AR: variants seen among roughly 807,000 people sequenced by gnomAD.
AR encodes androgen receptor, also known as dihydrotestosterone receptor.
A neutral mutation model predicts 53.9 loss-of-function variants in AR; 8 were observed. That is an observed-to-expected ratio of 0.15 (90% CI 0.09 to 0.27). AR has a LOEUF of 0.27. AR is among the 10% of genes least tolerant of loss of function. AR has a pLI of 1.00. For missense variants in AR, 639 were observed against 742.5 expected, an observed-to-expected ratio of 0.86 and a Z score of 1.62; for synonymous variants, 359 against 316.4, an observed-to-expected ratio of 1.13 and a Z score of -1.43.
In AR at chrX:67,728,925, G is replaced by A. The variant is rs1293896542; in HGVS notation, c.*5084G>A. 5.8e-6 allele frequency: 1 copy of A among 173,712 alleles called. No homozygotes were observed. 14.3% of individuals were successfully genotyped at this position (173,712 alleles called of 1,213,427 possible). ...ATGGAACTGACTGAGATTTACCACAGGGAAGGCCCAAACTTGGGGCCAAAA... is the reference window on the plus strand; with the variant it reads ...ATGGAACTGACTGAGATTTACCACAAGGAAGGCCCAAACTTGGGGCCAAAA... On this transcript the variant is annotated 3_prime_UTR_variant, in exon 8 of 8. Coordinates refer to ENST00000374690, the MANE Select transcript of AR (RefSeq NM_000044.6).
chrX:67,547,803 G>A (rs1400791197), intron 1 of AR, among the ~76,000 whole-genome samples: 1 of 111,723 alleles, frequency 9.0e-6, no homozygotes, highest in Non-Finnish European at 1.9e-5. Flanking sequence ...AACAAATTGA[G>A]TAAGAACTCT....
At position 67,707,475 on chromosome X, in the gene AR, G is replaced by A. The variant is rs1378131232; in HGVS notation, c.1886-3927G>A. 1.8e-5 allele frequency among the ~76,000 whole-genome samples: 2 copies of A among 110,907 alleles called. 1 individual carries two copies. The highest frequency in any genetic ancestry group is 7.7e-4 in the South Asian group (2 of 2,605). ...TAGCATTGCAATCCCTGCCTCTTTTGGTTTTCCATTTGCTTGGTAGATCTT... is the reference window on the plus strand; with the variant it reads ...TAGCATTGCAATCCCTGCCTCTTTTAGTTTTCCATTTGCTTGGTAGATCTT... On this transcript the variant is annotated intron_variant, in intron 3 of 7. Coordinates refer to ENST00000374690, the MANE Select transcript of AR (RefSeq NM_000044.6).
intron 1 of AR, among the ~76,000 whole-genome samples, chrX:67,594,469 A>G (rs1473964543): frequency 8.9e-6 from 1 of 112,589 alleles, no homozygotes; most frequent in Non-Finnish European, 1.9e-5. Context: ...TGTTTTAACA[A>G]AGCAAGCATA....
At chrX:67,705,558 G>T (rs1458903322) in intron 3 of AR, among the ~76,000 whole-genome samples, 1 of 111,448 alleles carries the variant, frequency 9.0e-6, no homozygotes, top group African/African-American at 3.3e-5. Flanking sequence ...GAGACAATGG[G>T]GTTTTCTAGA....
At position 67,728,084 on chromosome X, in the gene AR, CA is replaced by C. The variant is rs1212765973; in HGVS notation, c.*4244del. ...GCTAAGATACCAAAATTCATAAGGG[CA>C]GGGGGGGAGCAAGCATTAGTGCCTC... On this transcript the variant is annotated 3_prime_UTR_variant, in exon 8 of 8. Coordinates refer to ENST00000374690, the MANE Select transcript of AR (RefSeq NM_000044.6). The C allele has an allele frequency of 1.7e-5, 3 of 171,801 alleles. No homozygotes were observed. Among genetic ancestry groups the C allele is most frequent in the African/African-American group, 3.0e-5 (1 of 33,504 alleles). The allele number at this position is 171,801 out of a possible 1,213,427, so 14.2% of individuals were successfully genotyped here.
intron 3 of AR, chrX:67,695,613 G>T (rs1161466843): frequency 1.3e-6 from 1 of 751,132 alleles, no homozygotes; most frequent in Admixed American, 9.0e-5. Flanking sequence ...CTTCCATATT[G>T]ACACCAGTTT....
At chrX:67,695,742 C>CACAT in intron 3 of AR, 1 of 628,500 alleles carries the variant, frequency 1.6e-6, no homozygotes, top group South Asian at 8.4e-5. Flanking sequence ...TGTCTAAACA[C>CACAT]ACACACACAC....
intron 1 of AR, among the ~76,000 whole-genome samples, chrX:67,583,815 C>G (rs760348995): frequency 5.4e-5 from 6 of 111,936 alleles, no homozygotes; most frequent in Non-Finnish European, 9.4e-5. Flanking sequence ...CTACATCCTA[C>G]ATATGTTGGC....
In AR at chrX:67,546,267, C is replaced by T. The variant is rs2147320282; in HGVS notation, c.1121C>T (p.Pro374Leu). ...YYNFPLALAG[P>L]PPPPPPPHPH... ...AACTTTCCACTGGCTCTGGCCGGAC[C>T]GCCGCCCCCTCCGCCGCCTCCCCAT... Residue 374 changes from proline to leucine, a missense_variant, in exon 1 of 8, where the codon CCG (proline) becomes CTG (leucine). Physicochemically the swap from Pro to Leu is moderately conservative, Grantham distance 98. Coordinates refer to ENST00000374690, the MANE Select transcript of AR (RefSeq NM_000044.6). 3.3e-6 allele frequency: 4 copies of T among 1,207,426 alleles called. No homozygotes were observed. The highest frequency in any genetic ancestry group is 4.5e-6 in the Non-Finnish European group (4 of 893,651).
At chrX:67,565,530 C>G (rs1453609909) in intron 1 of AR, among the ~76,000 whole-genome samples, 5 of 111,841 alleles carry the variant, frequency 4.5e-5, no homozygotes, top group African/African-American at 1.6e-4. Context: ...TGCTTGAAAT[C>G]TACCAAGTAC....
intron 1 of AR, among the ~76,000 whole-genome samples, chrX:67,576,155 G>T (rs962460141): frequency 9.0e-6 from 1 of 111,059 alleles, no homozygotes; most frequent in Non-Finnish European, 1.9e-5. Context: ...AGATACATGG[G>T]TGTGCTTCCA....
At chrX:67,626,656 G>C (rs1366813622) in intron 1 of AR, among the ~76,000 whole-genome samples, 32 of 99,760 alleles carry the variant, frequency 3.2e-4, no homozygotes, top group African/African-American at 1.2e-3. Flanking sequence ...TATACTTTAA[G>C]TTTTAGGGTA....
intron 3 of AR, chrX:67,695,114 G>A (rs781375562): frequency 1.2e-5 from 9 of 768,091 alleles, no homozygotes; most frequent in Non-Finnish European, 1.4e-5. Flanking sequence ...GCTTTTCGTG[G>A]TGTGCTGCCA....
At chrX:67,658,876 A>G (rs1926720230) in intron 2 of AR, among the ~76,000 whole-genome samples, 2 of 111,836 alleles carry the variant, frequency 1.8e-5, no homozygotes, top group Non-Finnish European at 3.8e-5. Context: ...GCTGATGTGG[A>G]GTAGAGGCAG....
At chrX:67,603,211 A>T (rs1923463703) in intron 1 of AR, among the ~76,000 whole-genome samples, 1 of 111,569 alleles carries the variant, frequency 9.0e-6, no homozygotes, top group Non-Finnish European at 1.9e-5. Flanking sequence ...GAGCCTGGAA[A>T]ACTGTTCATT....
At chrX:67,649,972 G>T (rs1364072998) in intron 2 of AR, among the ~76,000 whole-genome samples, 1 of 111,617 alleles carries the variant, frequency 9.0e-6, no homozygotes, top group Admixed American at 9.6e-5. Flanking sequence ...GCTACAAAGA[G>T]AATAAAATAC....
chrX:67,615,785 G>C (rs1192295610), intron 1 of AR, among the ~76,000 whole-genome samples: 1 of 111,508 alleles, frequency 9.0e-6, no homozygotes, highest in Non-Finnish European at 1.9e-5. Context: ...TAAGGAAATG[G>C]TATCACATGG....
At chrX:67,679,470 C>G (rs906475874) in intron 2 of AR, among the ~76,000 whole-genome samples, 4 of 111,649 alleles carry the variant, frequency 3.6e-5, no homozygotes, top group Non-Finnish European at 7.6e-5. Flanking sequence ...CAATAAACTT[C>G]TATTTTGTGC....
chrX:67,564,767 G>A (rs761632980), intron 1 of AR, among the ~76,000 whole-genome samples: 286 of 111,548 alleles, frequency 2.6e-3, no homozygotes, highest in Non-Finnish European at 3.1e-3. Flanking sequence ...ACAGTTGCTA[G>A]AAAGTGAAAT....
Sources: gnomAD v4.1 joint callset for allele counts (sites outside exome capture counted in the v4.1 genomes callset) on GRCh38, gnomAD v4.1.1 for gene constraint, MANE v1.5 for transcripts, NCBI Gene and HGNC (gene_info 2026-07-23, HGNC 2026-07-21) for gene names.